The following ENDOV variants were observed in gnomAD, a reference collection of about 807,000 sequenced individuals.
ENDOV encodes endonuclease V.
Under a neutral mutation model 39.4 loss-of-function variants are expected in ENDOV, and 37 were observed. The ratio of observed to expected loss-of-function variants is 0.94; its 90% CI spans 0.72 to 1.23. The LOEUF (loss-of-function observed/expected upper bound fraction) is 1.23, where lower values mean the gene tolerates loss of function less well. ENDOV is among the 50% of genes most tolerant of loss of function. ENDOV has a pLI of 0.00. For missense variants in ENDOV, 441 were observed against 375.7 expected (o/e 1.17, Z -1.44); for synonymous variants, 186 against 163.4 (o/e 1.14, Z -1.05).
chr17:80,425,732 C>T (rs753544142), intron 7 of ENDOV, 112 bp downstream of exon 7: 60 of 1,477,852 alleles, frequency 4.1e-5, no homozygotes, highest in Admixed American at 1.4e-4. Flanking sequence ...GACATGAGGA[C>T]GGGGGTTCCT....
At position 80,415,738 on chromosome 17, in the gene ENDOV, G is replaced by A; in HGVS notation, c.145G>A (p.Gly49Arg). The stretch of plus-strand genomic sequence containing the variant: ...CGCCTTCTCGGGTCTGCAGAGGGTC[G>A]GGGGCGTTGACGTGTCCTTCGTGAA... ...DPAFSGLQRVGGVDVSFVKGD... is the reference protein window; with the variant it reads ...DPAFSGLQRVRGVDVSFVKGD... Residue 49 changes from glycine to arginine, a missense_variant, in exon 2 of 10, where the codon GGG (glycine) becomes AGG (arginine). Gly to Arg is a moderately radical substitution (Grantham distance 125, BLOSUM62 -2). Coordinates refer to ENST00000518137, the MANE Select transcript of ENDOV (RefSeq NM_173627.5). 3 of 1,607,516 alleles carry A rather than the reference G, an allele frequency of 1.9e-6. No individual in the cohort carries two copies. Among genetic ancestry groups the A allele is most frequent in the Non-Finnish European group, 2.5e-6 (3 of 1,177,210 alleles).
At chr17:80,419,776 C>G (rs1451571594) in intron 2 of ENDOV, 2 of 671,892 alleles carry the variant, frequency 3.0e-6, no homozygotes, top group Non-Finnish European at 2.8e-6. Flanking sequence ...TCCGTCTGCA[C>G]TCAGAATCAA....
At position 80,429,396 on chromosome 17, in the gene ENDOV, C is replaced by G. The variant is rs527815270; in HGVS notation, c.780-377C>G. Among the ~76,000 whole-genome samples, 199 of 151,656 alleles carry G rather than the reference C, an allele frequency of 1.3e-3. 1 individual carries two copies. The highest frequency in any genetic ancestry group is 4.7e-3 in the African/African-American group (192 of 40,928). On this transcript the variant is annotated intron_variant, in intron 8 of 9. Coordinates refer to ENST00000518137, the MANE Select transcript of ENDOV (RefSeq NM_173627.5). Reference sequence around the variant, plus strand: ...CCAGGCTGAGAGGACACCCCCACTCCCTAGGCAAAGATCGCAGGAGGCCCC... The same window carrying G: ...CCAGGCTGAGAGGACACCCCCACTCGCTAGGCAAAGATCGCAGGAGGCCCC...
Position 80,425,190 on chromosome 17 carries a change from T to C in ENDOV, c.585+90T>C, listed in dbSNP as rs1035895180. On this transcript the variant is annotated intron_variant, in intron 6 of 9. Coordinates refer to ENST00000518137, the MANE Select transcript of ENDOV (RefSeq NM_173627.5). Reference sequence around the variant, plus strand: ...CAGGTGCATGCAGACACGCGTGCACTCACACTTGCCCACATCAACCCCCCG... The same window carrying C: ...CAGGTGCATGCAGACACGCGTGCACCCACACTTGCCCACATCAACCCCCCG... 3.4e-6 allele frequency: 4 copies of C among 1,166,440 alleles called. No homozygotes were observed. The African/African-American group carries it at 6.2e-5, about 18-fold the overall frequency. 72.3% of individuals were successfully genotyped at this position (1,166,440 alleles called of 1,614,324 possible).
At chr17:80,431,526 A>G (rs1336508269) in intron 9 of ENDOV, among the ~76,000 whole-genome samples, 1 of 152,194 alleles carries the variant, frequency 6.6e-6, no homozygotes, top group Non-Finnish European at 1.5e-5. Context: ...GAGAGCGGGA[A>G]CTAGGTGGAC....
At chr17:80,415,535 C>T (rs555721281) in intron 1 of ENDOV, 115 bp from the exon 2 acceptor site, 115 of 1,345,898 alleles carry the variant, frequency 8.5e-5, no homozygotes, top group East Asian at 4.8e-4. Flanking sequence ...CCCTTGCTTT[C>T]CCTTGAAGCG....
chr17:80,424,966 A>G, intron 5 of ENDOV, 66 bp from the exon 6 acceptor site: 4 of 1,374,944 alleles, frequency 2.9e-6, no homozygotes. Flanking sequence ...AAAAATAGAG[A>G]CTTGCCTTCA....
At position 80,415,635 on chromosome 17, in the gene ENDOV, C is replaced by T. The variant is rs764099076; in HGVS notation, c.57-15C>T. The T allele has an allele frequency of 3.7e-6, 6 of 1,610,378 alleles. No homozygotes were observed. Among genetic ancestry groups the T allele is most frequent in the East Asian group, 4.5e-5 (2 of 44,712 alleles). On this transcript the variant is annotated splice_polypyrimidine_tract_variant and intron_variant, in intron 1 of 9. Transcript: ENST00000518137. ...GGTGTGACCCCGACCAAGTTTGACG[C>T]TTCTGTCCTCCTAGGGAGCAAGCTC...
rs370340349 is a variant in ENDOV at position 80,415,780 on chromosome 17, G to A, written c.187G>A (p.Ala63Thr). 13 of 1,603,850 alleles carry A rather than the reference G, an allele frequency of 8.1e-6. No homozygotes were observed. The highest frequency in any genetic ancestry group is 2.7e-5 in the African/African-American group (2 of 74,794). The change falls in exon 2 of 10, where the codon GCT (alanine) becomes ACT (threonine). Residue 63 changes from alanine (A) to threonine (T), a missense_variant. Coordinates refer to ENST00000518137, the MANE Select transcript of ENDOV (RefSeq NM_173627.5). ...CTTCGTGAAAGGGGACAGTGTCCGC[G>A]CTTGTGCTTCCCTGGTGGTGCTCAG... is the stretch of plus-strand genomic sequence containing the variant. ...VSFVKGDSVR[A>T]CASLVVLSFP...
At chr17:80,431,488 T>G (rs2083324545) in intron 9 of ENDOV, among the ~76,000 whole-genome samples, 2 of 152,202 alleles carry the variant, frequency 1.3e-5, no homozygotes, top group Non-Finnish European at 2.9e-5. Flanking sequence ...GCGGGCACCT[T>G]GTGCCTAAAG....
chr17:80,419,700 T>C (rs1426962731), intron 2 of ENDOV: 1 of 702,168 alleles, frequency 1.4e-6, no homozygotes, highest in Non-Finnish European at 2.6e-6. Flanking sequence ...GAGGCTGCGA[T>C]GACGTCCAGC....
intron 2 of ENDOV, 40 bp from the exon 3 acceptor site, chr17:80,421,788 G>A (rs770734384): frequency 6.4e-6 from 10 of 1,567,134 alleles, no homozygotes; most frequent in East Asian, 2.3e-5. Flanking sequence ...GCAGGTGGCC[G>A]AAGGCTGTGC....
intron 2 of ENDOV, chr17:80,419,293 G>A: frequency 2.5e-6 from 1 of 397,026 alleles, no homozygotes; most frequent in Non-Finnish European, 4.6e-6. Flanking sequence ...CTGAAGCAGA[G>A]CTGGGCTGGA....
In ENDOV at chr17:80,433,381, C is replaced by T. The variant is rs375677290; in HGVS notation, c.839-2752C>T. 2.0e-4 allele frequency among the ~76,000 whole-genome samples: 31 copies of T among 152,348 alleles called. No individual in the cohort carries two copies. The East Asian group carries it at 4.6e-3, about 23-fold the overall frequency. On this transcript the variant is annotated intron_variant, in intron 9 of 9. Coordinates refer to ENST00000518137, the MANE Select transcript of ENDOV (RefSeq NM_173627.5). ...GGTGAGGCCCACAAGGCCGTCAGTC[C>T]GCCATGCTGTGCCAACCCCAGTGAT...
intron 9 of ENDOV, among the ~76,000 whole-genome samples, chr17:80,432,523 T>C (rs1350565622): frequency 1.3e-5 from 2 of 152,060 alleles, no homozygotes; most frequent in Admixed American, 6.5e-5. Context: ...GCACAGCCGT[T>C]GTCCTGGGGC....
At chr17:80,427,817 C>T (rs2082904579) in intron 7 of ENDOV, 1 of 1,287,668 alleles carries the variant, frequency 7.8e-7, no homozygotes, top group African/African-American at 1.5e-5. Flanking sequence ...TCCAGGCTCT[C>T]CTGCCAGGCC....
In ENDOV at chr17:80,436,060, C is replaced by A; in HGVS notation, c.839-73C>A. ...GCGAGCCACTGCACCTGGCCCATTT[C>A]CACTTCCTCCTTTCCACTCTGAACG... On this transcript the variant is annotated intron_variant, in intron 9 of 9. Transcript: ENST00000518137. The A allele has an allele frequency of 1.9e-6, 3 of 1,554,178 alleles. No individual in the cohort carries two copies. In the South Asian group the frequency reaches 3.4e-5, roughly 17 times the overall value.
intron 9 of ENDOV, among the ~76,000 whole-genome samples, chr17:80,433,502 C>G (rs1033769191): frequency 4.6e-5 from 7 of 152,264 alleles, no homozygotes; most frequent in Non-Finnish European, 7.3e-5. Flanking sequence ...AACTCAGGTC[C>G]TCGAAGGGAG....
intron 2 of ENDOV, 155 bp downstream of exon 2, chr17:80,415,976 G>T (rs2081083761): frequency 1.1e-5 from 10 of 911,064 alleles, no homozygotes; most frequent in Admixed American, 3.2e-5. Context: ...GGTGGCTCAC[G>T]CCTGCAATCC....
Sources: gnomAD v4.1 joint callset for allele counts (sites outside exome capture counted in the v4.1 genomes callset) on GRCh38, gnomAD v4.1.1 for gene constraint, MANE v1.5 for transcripts, NCBI Gene and HGNC (gene_info 2026-07-23, HGNC 2026-07-21) for gene names.